The following ATRNL1 variants were observed in gnomAD, a reference collection of about 807,000 sequenced individuals.
ATRNL1 encodes attractin like 1.
In ATRNL1, 95 loss-of-function variants were observed where a neutral mutation model predicts 182.7. That is an observed-to-expected ratio of 0.52 (90% confidence interval 0.44 to 0.62). The LOEUF is 0.62. ATRNL1 is among the 20% of genes least tolerant of loss of function. The probability of loss-of-function intolerance (pLI) is 0.00; values close to 1 mark genes in which losing one functional copy is unlikely to be tolerated. For missense variants in ATRNL1, 1,471 were observed against 1,679.5 expected (o/e 0.88, Z 2.17); for synonymous variants, 576 against 568.3 (o/e 1.01, Z -0.19).
At chr10:115,184,906 T>G (rs1324290650) in intron 8 of ATRNL1, among the ~76,000 whole-genome samples, 1 of 151,996 alleles carries the variant, frequency 6.6e-6, no homozygotes, top group Non-Finnish European at 1.5e-5. Context: ...GAAGAAGGAC[T>G]GCAAACAAAT....
chr10:115,529,032 T>C (rs1554987461), intron 25 of ATRNL1, among the ~76,000 whole-genome samples: 18 of 152,136 alleles, frequency 1.2e-4, no homozygotes, highest in Non-Finnish European at 1.8e-4. Context: ...TTACCTAACA[T>C]ATATTCTGTC....
chr10:115,306,366 T>C (rs1592416177), intron 17 of ATRNL1, among the ~76,000 whole-genome samples: 2 of 152,298 alleles, frequency 1.3e-5, no homozygotes, highest in East Asian at 3.9e-4. Flanking sequence ...GGATAAGAAT[T>C]CCAATGCCAA....
At chr10:115,610,457 A>G (rs1385053599) in intron 26 of ATRNL1, among the ~76,000 whole-genome samples, 1 of 152,122 alleles carries the variant, frequency 6.6e-6, no homozygotes, top group African/African-American at 2.4e-5. Flanking sequence ...CTTATCAAGA[A>G]TTTTCATTTC....
chr10:115,634,762 C>T (rs1858753753), intron 26 of ATRNL1, among the ~76,000 whole-genome samples: 1 of 152,000 alleles, frequency 6.6e-6, no homozygotes, highest in Admixed American at 6.6e-5. Context: ...CATTTTATCA[C>T]TTCTAAAGAG....
At chr10:115,603,274 A>G (rs1166380447) in intron 26 of ATRNL1, among the ~76,000 whole-genome samples, 2 of 152,190 alleles carry the variant, frequency 1.3e-5, no homozygotes, top group Non-Finnish European at 2.9e-5. Context: ...TCCTGAAGTT[A>G]TCCAAAAGCC....
chr10:115,160,092 A>C lies in ATRNL1; in HGVS notation c.882A>C (p.Pro294=). ...CTACTGAGTCTTACTGGATTCTGCCAAACGTTAAACCCTTCAGTCCTTCTG... is the reference window on the plus strand; with the variant it reads ...CTACTGAGTCTTACTGGATTCTGCCCAACGTTAAACCCTTCAGTCCTTCTG... ...VPSTESYWIL[P]NVKPFSPSVG... is the part of the protein sequence containing the mutation. Residue 294 remains proline (P), a synonymous_variant, in exon 6 of 29, where the codon CCA becomes CCC. Transcript: ENST00000355044. 1 of 1,612,396 alleles carries C rather than the reference A, an allele frequency of 6.2e-7. No individual in the cohort carries two copies. Among genetic ancestry groups the C allele is most frequent in the Non-Finnish European group, 8.5e-7 (1 of 1,179,080 alleles).
intron 24 of ATRNL1, among the ~76,000 whole-genome samples, chr10:115,488,318 C>G (rs1317211849): frequency 2.0e-5 from 3 of 152,070 alleles, no homozygotes; most frequent in East Asian, 1.9e-4. Flanking sequence ...CTTGGTACCT[C>G]TGGTAGAATT....
chr10:115,611,283 G>T (rs138400528), intron 26 of ATRNL1, among the ~76,000 whole-genome samples: 1 of 151,758 alleles, frequency 6.6e-6, no homozygotes, highest in African/African-American at 2.4e-5. Context: ...GTAGTATTTC[G>T]GGCTTACAAA....
At chr10:115,294,382 C>G (rs1009471741) in intron 15 of ATRNL1, among the ~76,000 whole-genome samples, 2 of 152,154 alleles carry the variant, frequency 1.3e-5, no homozygotes, top group Admixed American at 6.5e-5. Flanking sequence ...TTGAAGCTCT[C>G]TGTTGCATTT....
chr10:115,490,215 T>C (rs1361867702), intron 24 of ATRNL1, among the ~76,000 whole-genome samples: 2 of 152,168 alleles, frequency 1.3e-5, no homozygotes, highest in African/African-American at 4.8e-5. Context: ...GGGGTTCCTC[T>C]TCTCGAGGAG....
At chr10:115,579,241 T>G in intron 26 of ATRNL1, among the ~76,000 whole-genome samples, 1 of 151,808 alleles carries the variant, frequency 6.6e-6, no homozygotes. Context: ...TTAATGTTCC[T>G]TTATTGAATT....
At chr10:115,574,049 G>A (rs1316160218) in intron 26 of ATRNL1, among the ~76,000 whole-genome samples, 3 of 151,972 alleles carry the variant, frequency 2.0e-5, no homozygotes, top group Non-Finnish European at 4.4e-5. Context: ...AAAATTCTTT[G>A]GGAAGTAGTT....
intron 20 of ATRNL1, among the ~76,000 whole-genome samples, chr10:115,398,629 T>C (rs1038876386): frequency 6.6e-6 from 1 of 152,128 alleles, no homozygotes; most frequent in Non-Finnish European, 1.5e-5. Context: ...GTTTTCTAGA[T>C]GTAGGATCAT....
chr10:115,681,648 T>C (rs1175127730), intron 26 of ATRNL1, among the ~76,000 whole-genome samples: 1 of 152,172 alleles, frequency 6.6e-6, no homozygotes, highest in Non-Finnish European at 1.5e-5. Flanking sequence ...TGTAACTCAG[T>C]AGTTATCATG....
At chr10:115,325,037 T>C (rs2134043791) in intron 18 of ATRNL1, among the ~76,000 whole-genome samples, 1 of 152,324 alleles carries the variant, frequency 6.6e-6, no homozygotes, top group Middle Eastern at 3.4e-3. Context: ...TTTATTAAGA[T>C]TGTCACAAAG....
At chr10:115,138,563 G>A (rs1345892333) in intron 5 of ATRNL1, among the ~76,000 whole-genome samples, 2 of 152,238 alleles carry the variant, frequency 1.3e-5, no homozygotes, top group Admixed American at 6.5e-5. Context: ...TCCACCCTCT[G>A]AAGCAACATC....
chr10:115,742,284 A>G lies in ATRNL1; in HGVS notation c.3903+14929A>G, dbSNP rs797026997. On this transcript the variant is annotated intron_variant, in intron 27 of 28. Coordinates refer to ENST00000355044, the MANE Select transcript of ATRNL1 (RefSeq NM_207303.4). ...TTCAAGGGAAAAAATGTATAGTAGG[A>G]TAAAGGGGAGGTGAAAGCAGAGAAA... Among the ~76,000 whole-genome samples, 9 of 152,246 alleles carry G rather than the reference A, an allele frequency of 5.9e-5. 1 individual carries two copies. The highest frequency in any genetic ancestry group is 1.9e-4 in the African/African-American group (8 of 41,550).
chr10:115,637,743 G>A (rs1858977977), intron 26 of ATRNL1, among the ~76,000 whole-genome samples: 1 of 151,548 alleles, frequency 6.6e-6, no homozygotes, highest in Admixed American at 6.6e-5. Context: ...CCCTGCCTCA[G>A]CCTCCCAAGT....
At chr10:115,835,967 C>T (rs144970167) in intron 27 of ATRNL1, among the ~76,000 whole-genome samples, 1 of 152,192 alleles carries the variant, frequency 6.6e-6, no homozygotes. Flanking sequence ...CCCCCCACAC[C>T]GATGTTGTTC....
Sources: allele counts gnomAD v4.1 joint callset (sites outside exome capture counted in the v4.1 genomes callset), GRCh38; gene constraint gnomAD v4.1.1; transcripts MANE v1.5; gene names NCBI Gene and HGNC (gene_info 2026-07-23, HGNC 2026-07-21).